Variants in SPINK1 observed in about 807,000 individuals in gnomAD.
SPINK1 encodes serine protease inhibitor Kazal-type 1.
Under a neutral mutation model 9.5 loss-of-function variants are expected in SPINK1, and 5 were observed. The ratio of observed to expected loss-of-function variants is 0.52; its 90% CI spans 0.27 to 1.10. The LOEUF (loss-of-function observed/expected upper bound fraction) is 1.10, where lower values mean the gene tolerates loss of function less well. SPINK1 is among the 50% of genes least tolerant of loss of function. The probability of loss-of-function intolerance (pLI) is 0.11; values close to 1 mark genes in which losing one functional copy is unlikely to be tolerated. For synonymous variants in SPINK1, 37 were observed against 32.3 expected (o/e 1.14, Z -0.49); for missense variants, 88 against 92.7 (o/e 0.95, Z 0.21).
the SPINK1 span, among the ~76,000 whole-genome samples, chr5:147,837,682 T>TTTCTTTCTTTCC: frequency 6.8e-6 from 1 of 146,822 alleles, no homozygotes; most frequent in Non-Finnish European, 1.5e-5. Context: ...TCTTTCTTTC[T>TTTCTTTCTTTCC]TTCTTTCTTT....
chr5:147,834,410 C>T (rs899808957), upstream of SPINK1, among the ~76,000 whole-genome samples: 6 of 152,090 alleles, frequency 3.9e-5, no homozygotes, highest in African/African-American at 1.4e-4. Flanking sequence ...CCTTACTATA[C>T]AAAAATTTTT....
chr5:147,831,836 A>G, upstream of SPINK1: 1 of 1,351,164 alleles, frequency 7.4e-7, no homozygotes, highest in Non-Finnish European at 9.6e-7. Context: ...TGTCAGGAAA[A>G]TAGTTCTAGT....
rs910216488 is a variant in SPINK1, at chr5:147,825,495, G to A, written c.195-789C>T. Among the ~76,000 whole-genome samples the A allele has an allele frequency of 2.0e-4, 30 of 149,970 alleles. 1 individual carries two copies. The highest frequency in any genetic ancestry group is 7.1e-4 in the African/African-American group (29 of 40,674). The stretch of plus-strand genomic sequence containing the variant: ...CTCACTCTGTTGCCCAGGCTGGAGT[G>A]CAGTGGTGTGACCTTGGCTCACTGC... On this transcript the variant is annotated intron_variant, in intron 3 of 3. Coordinates refer to ENST00000296695, the MANE Select transcript of SPINK1 (RefSeq NM_001379610.1).
chr5:147,832,542 G>A (rs946095735), upstream of SPINK1, among the ~76,000 whole-genome samples: 1 of 152,150 alleles, frequency 6.6e-6, no homozygotes, highest in Non-Finnish European at 1.5e-5. Flanking sequence ...TCTCCTTCTA[G>A]GGCAAAGACC....
At chr5:147,837,649 T>TTTTCTTTTCTTTCTTTCTTTCTTTC in the SPINK1 span, among the ~76,000 whole-genome samples, 1 of 107,118 alleles carries the variant, frequency 9.3e-6, no homozygotes, top group East Asian at 2.9e-4. Flanking sequence ...CATTAACTTC[T>TTTTCTTTTCTTTCTTTCTTTCTTTC]TTTCTTTCTT....
rs372615240 is a variant in SPINK1 at position 147,824,638 on chromosome 5, A to C, written c.*23T>G. 1 of 1,613,378 alleles carries C rather than the reference A, an allele frequency of 6.2e-7. No individual in the cohort carries two copies. Among genetic ancestry groups the C allele is most frequent in the African/African-American group, 1.3e-5 (1 of 74,904 alleles). On this transcript the variant is annotated 3_prime_UTR_variant, in exon 4 of 4. Transcript: ENST00000296695. ...GCCAGTCAGGCCTCGCGGTGACCTG[A>C]TGGGATTTCAAAACCTTGGTTCTCA...
At position 147,831,570 on chromosome 5, in the gene SPINK1, A is replaced by G. The variant is rs768306142; in HGVS notation, c.8T>C (p.Val3Ala). ...GGCACTGAGAAGAAAGATGCCTGTT[A>G]CCTTCATGGCTGAAGTTCTGCGTCC... MKVTGIFLLSALA... is the reference protein window; with the variant it reads MKATGIFLLSALA... The change falls in exon 1 of 4, where the codon GTA becomes GCA. Residue 3 changes from valine to alanine, a missense_variant. Transcript: ENST00000296695. 1.2e-5 allele frequency: 20 copies of G among 1,613,528 alleles called. No individual in the cohort carries two copies. The highest frequency in any genetic ancestry group is 1.7e-5 in the Non-Finnish European group (20 of 1,179,846).
chr5:147,833,904 T>G (rs778942247), upstream of SPINK1, among the ~76,000 whole-genome samples: 3 of 152,174 alleles, frequency 2.0e-5, no homozygotes, highest in Admixed American at 2.0e-4. Flanking sequence ...CCTTGCTACG[T>G]TGGTCATTTC....
chr5:147,837,343 A>G, the SPINK1 span, among the ~76,000 whole-genome samples: 1 of 152,208 alleles, frequency 6.6e-6, no homozygotes, highest in Non-Finnish European at 1.5e-5. Flanking sequence ...AACAAAACAA[A>G]AACAAAACAA....
At chr5:147,833,319 G>T (rs1255055556), upstream of SPINK1, among the ~76,000 whole-genome samples, 1 of 152,092 alleles carries the variant, frequency 6.6e-6, no homozygotes, top group Non-Finnish European at 1.5e-5. Context: ...AAGGACTTTG[G>T]TTTTTATCAA....
chr5:147,829,559 T>C (rs896338965), intron 2 of SPINK1, 40 bp downstream of exon 2: 53 of 1,596,458 alleles, frequency 3.3e-5, no homozygotes, highest in Non-Finnish European at 4.5e-5. Context: ...GATCAAACTG[T>C]TCCAGTCTGA....
intron 1 of SPINK1, among the ~76,000 whole-genome samples, chr5:147,831,116 A>G (rs1179366934): frequency 2.6e-5 from 4 of 152,234 alleles, no homozygotes; most frequent in Non-Finnish European, 5.9e-5. Flanking sequence ...CAGTCAAATT[A>G]TGCCTTTTAT....
At chr5:147,827,804 C>T (rs1414097334) in intron 3 of SPINK1, 3 of 442,378 alleles carry the variant, frequency 6.8e-6, no homozygotes, top group Non-Finnish European at 1.2e-5. Context: ...AAGCTATCGA[C>T]TATTTTGCTG....
chr5:147,827,459 T>C (rs984788187), intron 3 of SPINK1: 9 of 153,468 alleles, frequency 5.9e-5, no homozygotes, highest in African/African-American at 2.2e-4. Context: ...TAAGAAGCCA[T>C]CCTATACATG....
chr5:147,831,906 T>G, upstream of SPINK1: 2 of 964,266 alleles, frequency 2.1e-6, no homozygotes, highest in Non-Finnish European at 1.4e-6. Flanking sequence ...TTCTCAAGCC[T>G]GTTTTCTCAC....
the SPINK1 span, among the ~76,000 whole-genome samples, chr5:147,837,710 T>G: frequency 6.8e-6 from 1 of 146,822 alleles, no homozygotes; most frequent in African/African-American, 2.5e-5. Context: ...TCTTTCTTTC[T>G]TTCTTTTTTG....
chr5:147,824,595 C>T lies in SPINK1; in HGVS notation c.*66G>A, dbSNP rs745817577. On this transcript the variant is annotated 3_prime_UTR_variant, in exon 4 of 4. Transcript: ENST00000296695. ...GGAAACAACAGGGGATATTCAGATA[C>T]ATTTATTCAACAATAAGGCCAGTCA... is the stretch of plus-strand genomic sequence containing the variant. 7.3e-5 allele frequency: 108 copies of T among 1,483,258 alleles called. No individual in the cohort carries two copies. Among genetic ancestry groups the T allele is most frequent in the Non-Finnish European group, 9.6e-5 (102 of 1,062,048 alleles). The allele number at this position is 1,483,258 out of a possible 1,614,324, so 91.9% of individuals were successfully genotyped here.
rs760491233 is a variant in SPINK1 at position 147,829,649 on chromosome 5, T to C, written c.56-19A>G. On this transcript the variant is annotated intron_variant, in intron 1 of 3. Transcript: ENST00000296695. The stretch of plus-strand genomic sequence containing the variant: ...GTGTTACCTAGAAATAAATCAGATA[T>C]GGTAAGTTGGGTCCTAAATGAAAGA... 1 of 1,610,398 alleles carries C rather than the reference T, an allele frequency of 6.2e-7. No homozygotes were observed. Among genetic ancestry groups the C allele is most frequent in the Non-Finnish European group, 8.5e-7 (1 of 1,177,116 alleles).
At chr5:147,833,747 G>A (rs17107320), upstream of SPINK1, among the ~76,000 whole-genome samples, 22,737 of 152,082 alleles carry the variant, frequency 0.15, 1,788 homozygotes, top group Middle Eastern at 0.22. Flanking sequence ...AAGGCCCATA[G>A]GGATCTTTAT....
Sources: gnomAD v4.1 joint callset for allele counts (sites outside exome capture counted in the v4.1 genomes callset) on GRCh38, gnomAD v4.1.1 for gene constraint, MANE v1.5 for transcripts, NCBI Gene and HGNC (gene_info 2026-07-23, HGNC 2026-07-21) for gene names.